CACUL1: variants seen among roughly 807,000 people sequenced by gnomAD.
CACUL1 encodes the protein CDK2-associated and cullin domain-containing protein 1.
In CACUL1, 13 loss-of-function variants were observed where a neutral mutation model predicts 45.2. The observed-to-expected ratio is 0.29, with a 90% confidence interval of 0.19 to 0.46. The LOEUF (loss-of-function observed/expected upper bound fraction) is 0.46. CACUL1 is among the 20% of genes least tolerant of loss of function. The probability of loss-of-function intolerance (pLI) is 1.00; values close to 1 mark genes in which losing one functional copy is unlikely to be tolerated. For synonymous variants in CACUL1, 197 were observed against 174.2 expected, an observed-to-expected ratio of 1.13 and a Z score of -1.03; for missense variants, 421 against 471.4, an observed-to-expected ratio of 0.89 and a Z score of 0.99.
At position 118,754,731 on chromosome 10, in the gene CACUL1, C is replaced by G. The variant is rs1261585818; in HGVS notation, c.32G>C (p.Gly11Ala). The change falls in exon 1 of 9, where the codon GGC becomes GCC. Residue 11 changes from glycine (G) to alanine (A), a missense_variant. Gly to Ala is a moderately conservative substitution (Grantham distance 60). Transcript: ENST00000369151. MEESMEEEEG[G>A]SYEAMMDDQN... Reference sequence around the variant, plus strand: ...GTCGTCCATCATCGCCTCGTAGCTGCCCCCCTCCTCCTCTTCCATGCTTTC... The same window carrying G: ...GTCGTCCATCATCGCCTCGTAGCTGGCCCCCTCCTCCTCTTCCATGCTTTC... The G allele has an allele frequency of 1.9e-6, 3 of 1,600,202 alleles. No individual in the cohort carries two copies. In the Admixed American group the frequency reaches 5.2e-5, roughly 28 times the overall value.
chr10:118,728,842 T>C (rs1365954134), intron 3 of CACUL1, among the ~76,000 whole-genome samples: 1 of 152,196 alleles, frequency 6.6e-6, no homozygotes, highest in Non-Finnish European at 1.5e-5. Flanking sequence ...AGATGATGCC[T>C]ATTTACAGGA....
chr10:118,696,195 G>A (rs1013873624), intron 5 of CACUL1, among the ~76,000 whole-genome samples: 1 of 152,156 alleles, frequency 6.6e-6, no homozygotes, highest in African/African-American at 2.4e-5. Flanking sequence ...ATCATCAGTA[G>A]ATAGTTACAA....
chr10:118,726,067 C>T (rs1409282254), intron 3 of CACUL1, among the ~76,000 whole-genome samples: 3 of 152,088 alleles, frequency 2.0e-5, no homozygotes, highest in African/African-American at 7.2e-5. Context: ...GCAACTCCTC[C>T]CACGCTCTTA....
chr10:118,686,230 ATC>A, intron 8 of CACUL1, 62 bp from the exon 9 acceptor site: 2 of 1,350,178 alleles, frequency 1.5e-6, no homozygotes, highest in Non-Finnish European at 2.1e-6. Context: ...AACAGCAGGA[ATC>A]TGTTTATTCA....
chr10:118,707,974 C>T (rs1008278196), intron 3 of CACUL1, among the ~76,000 whole-genome samples: 1 of 151,592 alleles, frequency 6.6e-6, no homozygotes, highest in Non-Finnish European at 1.5e-5. Flanking sequence ...ATGGTGAAAC[C>T]CTGTCTCTAC....
chr10:118,694,715 G>A (rs1589603066), intron 6 of CACUL1, among the ~76,000 whole-genome samples: 1 of 152,138 alleles, frequency 6.6e-6, no homozygotes, highest in African/African-American at 2.4e-5. Context: ...TCTCTCCCCA[G>A]AACATCCTTA....
At chr10:118,726,407 C>A in intron 3 of CACUL1, 2 of 1,035,782 alleles carry the variant, frequency 1.9e-6, no homozygotes, top group Admixed American at 5.5e-5. Flanking sequence ...GTGGCAGACA[C>A]TAAGGATAAA....
intron 7 of CACUL1, among the ~76,000 whole-genome samples, chr10:118,690,274 G>A (rs1367022310): frequency 6.4e-5 from 8 of 125,606 alleles, no homozygotes; most frequent in African/African-American, 2.5e-4. Context: ...GCAGTCCGCA[G>A]TCCGGCCTGG....
rs1357823212 is a variant in CACUL1 at position 118,685,942 on chromosome 10, A to G, written c.*186T>C. The G allele has an allele frequency of 2.7e-5, 11 of 412,140 alleles. No individual in the cohort carries two copies. The highest frequency in any genetic ancestry group is 1.3e-5 in the Non-Finnish European group (3 of 229,812). 25.5% of individuals were successfully genotyped at this position (412,140 alleles called of 1,614,324 possible). ...AAAATCACCCCCAAGTCTAGCAGCA[A>G]CGTTTTTTTTTTTTTTAGTTTTTGT... is the stretch of plus-strand genomic sequence containing the variant. On this transcript the variant is annotated 3_prime_UTR_variant, in exon 9 of 9. Transcript: ENST00000369151.
At chr10:118,723,455 C>T (rs1469021788) in intron 3 of CACUL1, among the ~76,000 whole-genome samples, 2 of 152,134 alleles carry the variant, frequency 1.3e-5, no homozygotes, top group Non-Finnish European at 2.9e-5. Context: ...TTGATCCACA[C>T]TTGCATATTT....
At position 118,707,551 on chromosome 10, in the gene CACUL1, T is replaced by C. The variant is rs1013459294; in HGVS notation, c.634A>G (p.Ile212Val). Residue 212 changes from isoleucine (I) to valine (V), a missense_variant, in exon 4 of 9, where the codon ATA becomes GTA. Ile to Val is a conservative substitution (Grantham distance 29, BLOSUM62 3). Coordinates refer to ENST00000369151, the MANE Select transcript of CACUL1 (RefSeq NM_153810.5). ...GCTCCCATATATTGTCCAAGAGCTATATTAAATCTTTCAATATAGAGATCT... is the reference window on the plus strand; with the variant it reads ...GCTCCCATATATTGTCCAAGAGCTACATTAAATCTTTCAATATAGAGATCT... The part of the protein sequence containing the change: ...PPDLYIERFN[I>V]ALGQYMGALQ... 1.3e-6 allele frequency: 2 copies of C among 1,584,828 alleles called. No individual in the cohort carries two copies. The highest frequency in any genetic ancestry group is 1.7e-6 in the Non-Finnish European group (2 of 1,154,090).
chr10:118,736,772 C>G (rs1336183407), intron 1 of CACUL1, among the ~76,000 whole-genome samples: 1 of 152,142 alleles, frequency 6.6e-6, no homozygotes, highest in Non-Finnish European at 1.5e-5. Context: ...TTGGAAGTTC[C>G]AATCATGATA....
chr10:118,693,742 C>A (rs1342303466), intron 6 of CACUL1: 1 of 456,794 alleles, frequency 2.2e-6, no homozygotes, highest in Admixed American at 2.3e-5. Flanking sequence ...CTGTAAAATT[C>A]TGAGAAACTA....
At chr10:118,744,581 GCATGTACT>G (rs1327094301) in intron 1 of CACUL1, among the ~76,000 whole-genome samples, 2 of 152,126 alleles carry the variant, frequency 1.3e-5, no homozygotes, top group Non-Finnish European at 2.9e-5. Context: ...ACAACACTGG[GCATGTACT>G]CAATGTCACT....
chr10:118,687,044 T>G (rs377695358), intron 7 of CACUL1, among the ~76,000 whole-genome samples: 89 of 152,312 alleles, frequency 5.8e-4, no homozygotes, highest in African/African-American at 2.1e-3. Context: ...CATTTATAAG[T>G]TGATTTCTTC....
intron 1 of CACUL1, among the ~76,000 whole-genome samples, chr10:118,753,309 C>T (rs1455243919): frequency 1.3e-5 from 2 of 152,244 alleles, no homozygotes; most frequent in African/African-American, 4.8e-5. Flanking sequence ...GCTGTTCCCA[C>T]ACACAGTGTG....
chr10:118,707,442 C>A, intron 4 of CACUL1, 50 bp downstream of exon 4: 1 of 861,992 alleles, frequency 1.2e-6, no homozygotes, highest in South Asian at 1.4e-5. Context: ...TATTTGTGCT[C>A]TCAACAATAC....
intron 5 of CACUL1, among the ~76,000 whole-genome samples, chr10:118,698,624 A>C (rs12774262): frequency 0.26 from 39,674 of 151,990 alleles, 6,563 homozygotes; most frequent in South Asian, 0.37. Flanking sequence ...AACACAGAGG[A>C]ACCAAAAGCT....
rs779900332 is a variant in CACUL1 at position 118,754,680 on chromosome 10, G to C, written c.83C>G (p.Ala28Gly). ...CAGGGGCTGCCGGAAGCCGTCCACC[G>C]CAGCCTCCCAGTTGTTGTGGTTCTG... is the stretch of plus-strand genomic sequence containing the variant. ...DDQNHNNWEA[A>G]VDGFRQPLPP... Residue 28 changes from alanine to glycine, a missense_variant, in exon 1 of 9, where the codon GCG (alanine) becomes GGG (glycine). Physicochemically the swap from Ala to Gly is moderately conservative, Grantham distance 60. Coordinates refer to ENST00000369151, the MANE Select transcript of CACUL1 (RefSeq NM_153810.5). 4 of 1,608,522 alleles carry C rather than the reference G, an allele frequency of 2.5e-6. No individual in the cohort carries two copies. Among genetic ancestry groups the C allele is most frequent in the Non-Finnish European group, 3.4e-6 (4 of 1,177,912 alleles).
Sources: gnomAD v4.1 joint callset for allele counts (sites outside exome capture counted in the v4.1 genomes callset) on GRCh38, gnomAD v4.1.1 for gene constraint, MANE v1.5 for transcripts, NCBI Gene and HGNC (gene_info 2026-07-23, HGNC 2026-07-21) for gene names.